FNDC3A: variants seen among roughly 807,000 people sequenced by gnomAD.
FNDC3A encodes the protein fibronectin type III domain containing 3A.
Under a neutral mutation model 148.9 loss-of-function variants are expected in FNDC3A, and 32 were observed. That is an observed-to-expected ratio of 0.21 (90% confidence interval 0.16 to 0.29). FNDC3A has a LOEUF of 0.29. Among genes scored for constraint, FNDC3A ranks in the 10% least tolerant of loss-of-function variants. The pLI is 1.00. For synonymous variants in FNDC3A, 472 were observed against 473.6 expected, an observed-to-expected ratio of 1.00 and a Z score of 0.04; for missense variants, 1,191 against 1,452.8, an observed-to-expected ratio of 0.82 and a Z score of 2.93.
intron 1 of FNDC3A, chr13:48,977,046 G>A (rs1269966376): frequency 2.0e-5 from 3 of 152,182 alleles, no homozygotes; most frequent in African/African-American, 7.2e-5. Context: ...TATTTTAGAG[G>A]GTGGAATGCG....
chr13:48,995,117 G>C (rs574126105), intron 1 of FNDC3A, among the ~76,000 whole-genome samples: 1 of 152,228 alleles, frequency 6.6e-6, no homozygotes, highest in Middle Eastern at 3.4e-3. Context: ...AGGTCTCTAT[G>C]TTGCCCAGGC....
intron 1 of FNDC3A, among the ~76,000 whole-genome samples, chr13:48,998,994 C>T (rs1259321818): frequency 6.6e-6 from 1 of 152,188 alleles, no homozygotes; most frequent in Non-Finnish European, 1.5e-5. Context: ...ATTCAGAGGT[C>T]ATCAGGGCTG....
intron 14 of FNDC3A, among the ~76,000 whole-genome samples, chr13:49,184,758 A>G (rs1005725684): frequency 6.6e-6 from 1 of 152,098 alleles, no homozygotes; most frequent in African/African-American, 2.4e-5. Context: ...GTGTAGGTAA[A>G]GCTTGTTTGT....
chr13:49,055,395 C>T lies in FNDC3A; in HGVS notation c.100-19894C>T, dbSNP rs189156809. ...TTGGCCAGGGCACTCCAAAGTTAAC[C>T]TGCAAAATGGGTTCAGGGCATGACG... On this transcript the variant is annotated intron_variant, in intron 2 of 25. Transcript: ENST00000492622. Among the ~76,000 whole-genome samples the T allele has an allele frequency of 4.0e-4, 61 of 152,062 alleles. 1 individual carries two copies. The East Asian group carries it at 0.012, about 29-fold the overall frequency.
chr13:49,075,494 ATATCTT>A, intron 3 of FNDC3A, 130 bp downstream of exon 3: 1 of 576,472 alleles, frequency 1.7e-6, no homozygotes, highest in South Asian at 2.5e-5. Context: ...ATAAACTCTG[ATATCTT>A]AGCATTTAAG....
At chr13:49,167,439 C>T in intron 9 of FNDC3A, 136 bp downstream of exon 9, 1 of 571,690 alleles carries the variant, frequency 1.7e-6, no homozygotes, top group Non-Finnish European at 3.0e-6. Context: ...GGGCTGGGCG[C>T]AGTGCGCCCG....
intron 1 of FNDC3A, chr13:48,988,091 A>G (rs1025548536): frequency 3.3e-5 from 5 of 152,242 alleles, no homozygotes; most frequent in Non-Finnish European, 7.3e-5. Context: ...GAATGCAACA[A>G]GAAGAGCTAA....
intron 25 of FNDC3A, 45 bp downstream of exon 25, chr13:49,203,329 T>G (rs1376360378): frequency 1.4e-5 from 20 of 1,430,646 alleles, no homozygotes; most frequent in Non-Finnish European, 1.9e-5. Context: ...TTTTACCCTT[T>G]TTTAATTTTT....
Position 49,168,682 on chromosome 13 carries a change from T to C in FNDC3A, c.1107T>C (p.Cys369=). The change falls in exon 10 of 26, where the codon TGT becomes TGC. Residue 369 remains cysteine, a synonymous_variant. Coordinates refer to ENST00000492622, the MANE Select transcript of FNDC3A (RefSeq NM_001079673.2). ...SEAEIFTTLS[C]EPDIPNPPRI... is the part of the protein sequence containing the mutation. ...CTGAAATCTTTACCACCTTGAGCTG[T>C]GAACCTGATATACCTAATCCACCAA... 6.2e-7 allele frequency: 1 copy of C among 1,613,060 alleles called. No individual in the cohort carries two copies. The highest frequency in any genetic ancestry group is 8.5e-7 in the Non-Finnish European group (1 of 1,179,100).
chr13:49,081,901 T>C (rs1266845369), intron 3 of FNDC3A, among the ~76,000 whole-genome samples: 1 of 152,204 alleles, frequency 6.6e-6, no homozygotes, highest in Non-Finnish European at 1.5e-5. Flanking sequence ...TCTGCAACTT[T>C]GTCTCACGTT....
chr13:49,065,588 G>A (rs145065232), intron 2 of FNDC3A, among the ~76,000 whole-genome samples: 98 of 152,270 alleles, frequency 6.4e-4, no homozygotes, highest in African/African-American at 2.0e-3. Flanking sequence ...AATTTTTGCT[G>A]AATATATATG....
chr13:49,184,517 A>T (rs1490890806), intron 14 of FNDC3A, among the ~76,000 whole-genome samples: 2 of 152,178 alleles, frequency 1.3e-5, no homozygotes, highest in Non-Finnish European at 2.9e-5. Flanking sequence ...AGAATCAAGG[A>T]TGTCTCCTTT....
intron 2 of FNDC3A, among the ~76,000 whole-genome samples, chr13:49,042,237 T>G (rs1449696099): frequency 6.6e-6 from 1 of 152,126 alleles, no homozygotes; most frequent in Admixed American, 6.5e-5. Context: ...AAGATTTGAG[T>G]ATGTCCTTGG....
At chr13:49,163,080 G>A (rs1393347168) in intron 8 of FNDC3A, among the ~76,000 whole-genome samples, 1 of 152,166 alleles carries the variant, frequency 6.6e-6, no homozygotes, top group Non-Finnish European at 1.5e-5. Flanking sequence ...TAGGCTACTC[G>A]GGGGTCTGGG....
chr13:49,161,356 G>T (rs1287890873), intron 8 of FNDC3A, among the ~76,000 whole-genome samples: 2 of 152,180 alleles, frequency 1.3e-5, no homozygotes, highest in Non-Finnish European at 2.9e-5. Context: ...TTACCATTAT[G>T]TAATGGCCTT....
rs371437236 is a variant in FNDC3A at position 49,188,535 on chromosome 13, T to C, written c.1846T>C (p.Tyr616His). ...GSNGNKWEMI[Y>H]SGATREHLCD... The stretch of plus-strand genomic sequence containing the variant: ...TACAGGAAACAAATGGGAAATGATA[T>C]ACAGTGGTGCTACCAGGGAACATCT... The change falls in exon 17 of 26, where the codon TAC becomes CAC. Residue 616 changes from tyrosine to histidine, a missense_variant. Physicochemically the swap from Tyr to His is moderately conservative, Grantham distance 83. Coordinates refer to ENST00000492622, the MANE Select transcript of FNDC3A (RefSeq NM_001079673.2). 6.6e-5 allele frequency: 107 copies of C among 1,612,696 alleles called. No individual in the cohort carries two copies. The Middle Eastern group carries it at 8.2e-4, about 12-fold the overall frequency.
chr13:49,047,870 G>A (rs1186759974), intron 2 of FNDC3A, among the ~76,000 whole-genome samples: 1 of 152,118 alleles, frequency 6.6e-6, no homozygotes, highest in Non-Finnish European at 1.5e-5. Context: ...CTTTGCTTAA[G>A]CCAATGTCTA....
chr13:49,023,435 T>C (rs1289709950), intron 2 of FNDC3A, among the ~76,000 whole-genome samples: 1 of 151,498 alleles, frequency 6.6e-6, no homozygotes, highest in Non-Finnish European at 1.5e-5. Context: ...TTATACTATC[T>C]TAATATATAT....
At chr13:49,093,692 A>G (rs1248357905) in intron 3 of FNDC3A, among the ~76,000 whole-genome samples, 1 of 152,164 alleles carries the variant, frequency 6.6e-6, no homozygotes, top group Non-Finnish European at 1.5e-5. Context: ...TGCTCTACTC[A>G]TAGTCCAACA....
Sources: gnomAD v4.1 joint callset for allele counts (sites outside exome capture counted in the v4.1 genomes callset) on GRCh38, gnomAD v4.1.1 for gene constraint, MANE v1.5 for transcripts, NCBI Gene and HGNC (gene_info 2026-07-23, HGNC 2026-07-21) for gene names.